GRID2IP: variants seen among roughly 807,000 people sequenced by gnomAD.
GRID2IP encodes the protein Grid2 interacting protein, also known as delphilin.
A neutral mutation model predicts 114.3 loss-of-function variants in GRID2IP; 78 were observed. The ratio of observed to expected loss-of-function variants is 0.68; its 90% CI spans 0.57 to 0.82. The LOEUF is 0.82. Ranked by LOEUF, GRID2IP falls within the 40% of genes least tolerant of loss-of-function variation. The pLI is 0.00. For synonymous variants in GRID2IP, 809 were observed against 724.0 expected (o/e 1.12, Z -1.89); for missense variants, 1,727 against 1,678.5 (o/e 1.03, Z -0.51).
At chr7:6,543,814 G>C (rs4724816) in intron 1 of GRID2IP, among the ~76,000 whole-genome samples, 134,058 of 151,880 alleles carry the variant, frequency 0.88, 59,837 homozygotes, top group African/African-American at 0.97. Flanking sequence ...TTATTTGAGA[G>C]AAAGTCTCAC....
In GRID2IP at chr7:6,551,328, T is replaced by A; in HGVS notation, c.109A>T (p.Ser37Cys). Residue 37 changes from serine to cysteine, a missense_variant, in exon 1 of 22, where the codon AGC becomes TGC. Physicochemically the swap from Ser to Cys is moderately radical, Grantham distance 112. Coordinates refer to ENST00000457091, the MANE Select transcript of GRID2IP (RefSeq NM_001145118.2). ...GGCCGCAGTCCTCCGGCATGCGCGC[T>A]GCTCCCCTTGGCCACCTCCAGGACG... ...CFVLEVAKGS[S>C]AHAGGLRPGD... 6.5e-7 allele frequency: 1 copy of A among 1,547,478 alleles called. No homozygotes were observed. Among genetic ancestry groups the A allele is most frequent in the Non-Finnish European group, 8.7e-7 (1 of 1,146,664 alleles).
Position 6,551,300 on chromosome 7 carries a change from C to G in GRID2IP, c.137G>C (p.Gly46Ala). ...SSAHAGGLRP[G>A]DQILEVEGLA... ...CCCCTCCACCTCCAGGATCTGGTCT[C>G]CTGGCCGCAGTCCTCCGGCATGCGC... The change falls in exon 1 of 22, where the codon GGA becomes GCA. Residue 46 changes from glycine to alanine, a missense_variant. Coordinates refer to ENST00000457091, the MANE Select transcript of GRID2IP (RefSeq NM_001145118.2). 1 of 1,543,334 alleles carries G rather than the reference C, an allele frequency of 6.5e-7. No homozygotes were observed. The highest frequency in any genetic ancestry group is 8.7e-7 in the Non-Finnish European group (1 of 1,146,550).
rs1199519282 is a variant in GRID2IP at position 6,523,975 on chromosome 7, C to T, written c.920-2018G>A. Among the ~76,000 whole-genome samples, 1 of 152,210 alleles carries T rather than the reference C, an allele frequency of 6.6e-6. No individual in the cohort carries two copies. Among genetic ancestry groups the T allele is most frequent in the Admixed American group, 6.5e-5 (1 of 15,280 alleles). On this transcript the variant is annotated intron_variant, in intron 4 of 21. Coordinates refer to ENST00000457091, the MANE Select transcript of GRID2IP (RefSeq NM_001145118.2). The surrounding 1 kb of genome is among the most constrained non-coding windows in gnomAD (Gnocchi z 4.5). ...CTTCTAGAGGAAGCTCTCCAGAGAG[C>T]AGCTTTGGGCCTTTTGCTTACAATA...
chr7:6,500,069 T>C (rs1367849394), intron 20 of GRID2IP, among the ~76,000 whole-genome samples: 2 of 151,956 alleles, frequency 1.3e-5, no homozygotes, highest in Non-Finnish European at 2.9e-5. Context: ...ATCTTCTCTC[T>C]GGGGACCTCC....
intron 2 of GRID2IP, among the ~76,000 whole-genome samples, chr7:6,533,785 A>G (rs1001563551): frequency 1.3e-5 from 2 of 151,116 alleles, no homozygotes; most frequent in Admixed American, 1.3e-4. Flanking sequence ...TGTTGGGATT[A>G]CAGGCATGAA....
At position 6,543,618 on chromosome 7, in the gene GRID2IP, T is replaced by C. The variant is rs112710303; in HGVS notation, c.430-3746A>G. Among the ~76,000 whole-genome samples the C allele has an allele frequency of 2.2e-3, 333 of 152,054 alleles. 2 individuals are homozygous for C. The highest frequency in any genetic ancestry group is 7.6e-3 in the African/African-American group (315 of 41,462). On this transcript the variant is annotated intron_variant, in intron 1 of 21. Transcript: ENST00000457091. ...CCTCCACTTTATTCATCATCATCTT[T>C]TTTTTTCTGGAGTCAGGGTCTTGCT...
In GRID2IP at chr7:6,521,515, G is replaced by A; in HGVS notation, c.998C>T (p.Ser333Phe). 1 of 1,545,526 alleles carries A rather than the reference G, an allele frequency of 6.5e-7. No homozygotes were observed. Among genetic ancestry groups the A allele is most frequent in the Non-Finnish European group, 8.7e-7 (1 of 1,143,936 alleles). The change falls in exon 6 of 22, where the codon TCC (serine) becomes TTC (phenylalanine). Residue 333 changes from serine to phenylalanine, a missense_variant. Physicochemically the swap from Ser to Phe is radical, Grantham distance 155 (BLOSUM62 -2). Transcript: ENST00000457091. The surrounding 1 kb of genome is among the most constrained non-coding windows in gnomAD (Gnocchi z 4.1). The stretch of plus-strand genomic sequence containing the variant: ...CAGCATGGACACCACCTTGTCGTGG[G>A]AGCAGTTCCTGCCAAGCAGAGATGG... Reference protein sequence around the residue: ...FLNGLDMRNCSHDKVVSMLQG... With the variant: ...FLNGLDMRNCFHDKVVSMLQG...
At chr7:6,503,312 GC>G in intron 16 of GRID2IP, 149 bp from the exon 17 acceptor site, 1 of 1,043,058 alleles carries the variant, frequency 9.6e-7, no homozygotes, top group South Asian at 1.7e-5. Context: ...GGGGGAGCCC[GC>G]CTCCCATGTA....
rs147638913 is a variant in GRID2IP, at chr7:6,519,617, C to T, written c.1268+961G>A. On this transcript the variant is annotated intron_variant, in intron 7 of 21. Coordinates refer to ENST00000457091, the MANE Select transcript of GRID2IP (RefSeq NM_001145118.2). The surrounding 1 kb of genome is among the most constrained non-coding windows in gnomAD (Gnocchi z 4.1). ...TACTAAAAGTACAAAATTAGCCAGG[C>T]GTGGTGGCATATGCCTGTAATCCCA... Among the ~76,000 whole-genome samples, 2,700 of 151,948 alleles carry T rather than the reference C, an allele frequency of 0.018. 85 individuals carry two copies. Among genetic ancestry groups the T allele is most frequent in the African/African-American group, 0.062 (2,567 of 41,458 alleles).
chr7:6,504,791 A>C lies in GRID2IP; in HGVS notation c.2710+2T>G. 6.4e-7 allele frequency: 1 copy of C among 1,550,620 alleles called. No homozygotes were observed. The highest frequency in any genetic ancestry group is 8.7e-7 in the Non-Finnish European group (1 of 1,146,230). ...ACCCCCTGGGGTTCCCCGGACCCTC[A>C]CAGGTGTTGTAGGCCTTCTTATGGG... On this transcript the variant is annotated splice_donor_variant, in intron 15 of 21. Coordinates refer to ENST00000457091, the MANE Select transcript of GRID2IP (RefSeq NM_001145118.2). LOFTEE classifies it high-confidence loss of function.
At position 6,532,277 on chromosome 7, in the gene GRID2IP, C is replaced by T. The variant is rs1297325607; in HGVS notation, c.585-5508G>A. On this transcript the variant is annotated intron_variant, in intron 2 of 21. Transcript: ENST00000457091. This position sits in a 1 kb window ranked among gnomAD's most constrained non-coding sequence, Gnocchi z 4.4. ...CCTGGGGAGGGGCTCTTCAGGGGCA[C>T]CCCCAACCAGAACATCAGCATGAAG... is the stretch of plus-strand genomic sequence containing the variant. 6.6e-6 allele frequency among the ~76,000 whole-genome samples: 1 copy of T among 152,074 alleles called. No homozygotes were observed.
rs1241397793 is a variant in GRID2IP, at chr7:6,508,925, C to G, written c.2127+33G>C. 2.0e-6 allele frequency: 3 copies of G among 1,531,332 alleles called. No homozygotes were observed. Among genetic ancestry groups the G allele is most frequent in the Non-Finnish European group, 2.6e-6 (3 of 1,141,724 alleles). The allele number at this position is 1,531,332 out of a possible 1,614,324, so 94.9% of individuals were successfully genotyped here. A position where few individuals can be genotyped will look rare whatever the true frequency, so the allele number is the denominator to read the frequency against. ...TTGCAGACCGCCACACCTCGCCTCA[C>G]CCGCCTCCCTCCACACCTGCTTGCG... On this transcript the variant is annotated intron_variant, in intron 12 of 21. Coordinates refer to ENST00000457091, the MANE Select transcript of GRID2IP (RefSeq NM_001145118.2). This position sits in a 1 kb window ranked among gnomAD's most constrained non-coding sequence, Gnocchi z 5.6.
chr7:6,498,364 A>C, intron 20 of GRID2IP, 136 bp from the exon 21 acceptor site: 1 of 770,598 alleles, frequency 1.3e-6, no homozygotes, highest in Non-Finnish European at 2.0e-6. Context: ...CCTGTGTCCA[A>C]CAGGGAACCA....
rs1779725766 is a variant in GRID2IP, at chr7:6,536,501, G to GGGGGGCAGGCGGGCTGGCCCGGGA, written c.584+3193_584+3216dup. On this transcript the variant is annotated intron_variant, in intron 2 of 21. Coordinates refer to ENST00000457091, the MANE Select transcript of GRID2IP (RefSeq NM_001145118.2). This position sits in a 1 kb window ranked among gnomAD's most constrained non-coding sequence, Gnocchi z 5.3. The stretch of plus-strand genomic sequence containing the variant: ...GGAAAGGCGGGCATGGGGCTGTCCC[G>GGGGGGCAGGCGGGCTGGCCCGGGA]GGGGGCAGGCGGGCTGGCCCGGGAG... 6.7e-6 allele frequency among the ~76,000 whole-genome samples: 1 copy of GGGGGGCAGGCGGGCTGGCCCGGGA among 148,820 alleles called. No individual in the cohort carries two copies. The highest frequency in any genetic ancestry group is 2.4e-5 in the African/African-American group (1 of 41,188).
Position 6,497,853 on chromosome 7 carries a change from G to A in GRID2IP, c.3565-8C>T. On this transcript the variant is annotated splice_region_variant and splice_polypyrimidine_tract_variant and intron_variant, in intron 21 of 21. Transcript: ENST00000457091. Reference sequence around the variant, plus strand: ...CAGGTCACTCAGCGCTCGCTGGGGAGGGGGAACACAGAGGTAGGGTGGTCA... The same window carrying A: ...CAGGTCACTCAGCGCTCGCTGGGGAAGGGGAACACAGAGGTAGGGTGGTCA... 1 of 1,548,744 alleles carries A rather than the reference G, an allele frequency of 6.5e-7. No homozygotes were observed. The highest frequency in any genetic ancestry group is 1.2e-5 in the South Asian group (1 of 83,874).
chr7:6,521,802 C>T lies in GRID2IP; in HGVS notation c.989+86G>A. ...AAATGGTGAGAGGAGATTGTGATCACAGCCTGGGTGCCCCAAGAGGCAGGA... is the reference window on the plus strand; with the variant it reads ...AAATGGTGAGAGGAGATTGTGATCATAGCCTGGGTGCCCCAAGAGGCAGGA... On this transcript the variant is annotated intron_variant, in intron 5 of 21. Coordinates refer to ENST00000457091, the MANE Select transcript of GRID2IP (RefSeq NM_001145118.2). The surrounding 1 kb of genome is among the most constrained non-coding windows in gnomAD (Gnocchi z 4.1). 9.8e-7 allele frequency: 1 copy of T among 1,023,950 alleles called. No individual in the cohort carries two copies. Among genetic ancestry groups the T allele is most frequent in the Non-Finnish European group, 1.5e-6 (1 of 674,920 alleles). 63.4% of individuals were successfully genotyped at this position (1,023,950 alleles called of 1,614,324 possible).
rs745790251 is a variant in GRID2IP, at chr7:6,534,007, C to T, written c.584+5711G>A. ...TTGGCACTGAAGCAGAAGAGGGTGA[C>T]GGGGTGCAGATAGTCCCTCACAGGC... On this transcript the variant is annotated intron_variant, in intron 2 of 21. Transcript: ENST00000457091. This position sits in a 1 kb window ranked among gnomAD's most constrained non-coding sequence, Gnocchi z 4.5. 3.3e-5 allele frequency among the ~76,000 whole-genome samples: 5 copies of T among 152,058 alleles called. No homozygotes were observed. The highest frequency in any genetic ancestry group is 6.6e-5 in the Admixed American group (1 of 15,240).
At position 6,516,098 on chromosome 7, in the gene GRID2IP, A is replaced by AAAT. The variant is rs1368759642; in HGVS notation, c.1269-1572_1269-1570dup. 2.2e-5 allele frequency among the ~76,000 whole-genome samples: 3 copies of AAAT among 133,970 alleles called. No individual in the cohort carries two copies. The highest frequency in any genetic ancestry group is 1.7e-4 in the Admixed American group (2 of 11,728). 87.9% of individuals were successfully genotyped at this position (133,970 alleles called of 152,430 possible). ...GGTGACAGAGCAAGACCCCGTCTCA[A>AAAT]AATAATAATAATAAAAAATAAATAA... On this transcript the variant is annotated intron_variant, in intron 7 of 21. Transcript: ENST00000457091. The surrounding 1 kb of genome is among the most constrained non-coding windows in gnomAD (Gnocchi z 4.3).
At chr7:6,524,619 C>T (rs2115077106) in intron 4 of GRID2IP, among the ~76,000 whole-genome samples, 1 of 152,180 alleles carries the variant, frequency 6.6e-6, no homozygotes, top group East Asian at 2.0e-4. Context: ...ATTTAGGAGG[C>T]TGAGGCAGGA....
Sources: allele counts gnomAD v4.1 joint callset (sites outside exome capture counted in the v4.1 genomes callset), GRCh38; gene constraint gnomAD v4.1.1; non-coding constraint Gnocchi (gnomAD v3.1); transcripts MANE v1.5; gene names NCBI Gene and HGNC (gene_info 2026-07-23, HGNC 2026-07-21).